AMD1: variants seen among roughly 807,000 people sequenced by gnomAD.
AMD1 encodes S-adenosylmethionine decarboxylase proenzyme.
In AMD1, 11 loss-of-function variants were observed where a neutral mutation model predicts 40.2. That is an observed-to-expected ratio of 0.27 (90% confidence interval 0.17 to 0.45). The LOEUF (loss-of-function observed/expected upper bound fraction) is 0.45. Among genes scored for constraint, AMD1 ranks in the 20% least tolerant of loss-of-function variants. The pLI, the probability that AMD1 is intolerant of heterozygous loss-of-function variation, is 1.00. For synonymous variants in AMD1, 121 were observed against 130.8 expected, an observed-to-expected ratio of 0.93 and a Z score of 0.51; for missense variants, 257 against 410.2, an observed-to-expected ratio of 0.63 and a Z score of 3.23.
the AMD1 span, among the ~76,000 whole-genome samples, chr6:110,832,961 C>G: frequency 6.6e-6 from 1 of 152,114 alleles, no homozygotes; most frequent in East Asian, 1.9e-4. Context: ...GCTGGGATTA[C>G]AGGCGCCCAC....
At chr6:110,840,763 A>G in the AMD1 span, among the ~76,000 whole-genome samples, 1 of 151,278 alleles carries the variant, frequency 6.6e-6, no homozygotes, top group African/African-American at 2.4e-5. Flanking sequence ...GGGGTGGGGG[A>G]AGATTAGAGT....
chr6:110,877,967 G>A (rs976747087), intron 1 of AMD1, among the ~76,000 whole-genome samples: 1 of 152,042 alleles, frequency 6.6e-6, no homozygotes, highest in Non-Finnish European at 1.5e-5. Flanking sequence ...CTAAAGACAA[G>A]GATAACAAGA....
the AMD1 span, among the ~76,000 whole-genome samples, chr6:110,840,256 A>G: frequency 6.6e-6 from 1 of 151,718 alleles, no homozygotes; most frequent in South Asian, 2.1e-4. Context: ...TATTTTATTA[A>G]CCAGTTGGGT....
intron 1 of AMD1, among the ~76,000 whole-genome samples, chr6:110,880,420 C>T (rs1003134240): frequency 6.6e-6 from 1 of 152,176 alleles, no homozygotes; most frequent in African/African-American, 2.4e-5. Flanking sequence ...TATGTCATAT[C>T]CAAGAAATCA....
chr6:110,837,353 A>G, the AMD1 span, among the ~76,000 whole-genome samples: 2 of 151,178 alleles, frequency 1.3e-5, no homozygotes, highest in African/African-American at 4.9e-5. Flanking sequence ...TCAGTTGTCT[A>G]CATGCTTTCT....
chr6:110,847,249 G>A, the AMD1 span, among the ~76,000 whole-genome samples: 1 of 151,982 alleles, frequency 6.6e-6, no homozygotes, highest in Non-Finnish European at 1.5e-5. Context: ...CTAAAGACCG[G>A]GCACAGTGGC....
chr6:110,892,723 T>TCC lies in AMD1; in HGVS notation c.616-12_616-11insCC, dbSNP rs768179600. 3,054 of 1,503,762 alleles carry TCC rather than the reference T, an allele frequency of 2.0e-3. 32 individuals are homozygous for TCC. In the African/African-American group the frequency reaches 0.054, roughly 27 times the overall value. The allele number at this position is 1,503,762 out of a possible 1,614,324, so 93.2% of individuals were successfully genotyped here. A position where few individuals can be genotyped will look rare whatever the true frequency, so the allele number is the denominator to read the frequency against. On this transcript the variant is annotated splice_polypyrimidine_tract_variant and intron_variant, in intron 6 of 8. Coordinates refer to ENST00000368885, the MANE Select transcript of AMD1 (RefSeq NM_001634.6). The stretch of plus-strand genomic sequence containing the variant: ...CAAACCCTTGTTAAACTCGGTCTTT[T>TCC]TCCCCCCCCAGGAGAGTGGAATTCG...
chr6:110,855,518 C>G, the AMD1 span, among the ~76,000 whole-genome samples: 1 of 152,110 alleles, frequency 6.6e-6, no homozygotes, highest in Admixed American at 6.6e-5. Context: ...GCTGCCAAAA[C>G]TGCTGCAAGC....
At chr6:110,818,724 G>C in the AMD1 span, among the ~76,000 whole-genome samples, 77 of 152,282 alleles carry the variant, frequency 5.1e-4, no homozygotes, top group African/African-American at 1.8e-3. Context: ...TTTTAGTAGA[G>C]ACAGGGTTTT....
In AMD1 at chr6:110,884,446, T is replaced by C. The variant is rs139638731; in HGVS notation, c.111-3059T>C. On this transcript the variant is annotated intron_variant, in intron 1 of 8. Transcript: ENST00000368885. ...CTACAAGTTGTAAGGGTGAATACTT[T>C]GTTTTAAGAGAGGGTCTTGCTCTGT... Among the ~76,000 whole-genome samples the C allele has an allele frequency of 2.4e-3, 372 of 152,332 alleles. 7 individuals carry two copies. Among genetic ancestry groups the C allele is most frequent in the South Asian group, 0.022 (107 of 4,824 alleles).
intron 1 of AMD1, among the ~76,000 whole-genome samples, chr6:110,876,339 G>T (rs918210425): frequency 1.3e-5 from 2 of 152,232 alleles, no homozygotes; most frequent in African/African-American, 4.8e-5. Context: ...GTGCAGCGGA[G>T]TAACTGGCGT....
chr6:110,878,996 T>C (rs1159445782), intron 1 of AMD1, among the ~76,000 whole-genome samples: 1 of 152,168 alleles, frequency 6.6e-6, no homozygotes, highest in Admixed American at 6.5e-5. Context: ...AACCTTTTAG[T>C]GTAATGTTTC....
the AMD1 span, among the ~76,000 whole-genome samples, chr6:110,832,986 A>C: frequency 8.5e-5 from 13 of 152,200 alleles, no homozygotes; most frequent in Admixed American, 7.9e-4. Flanking sequence ...ACGCCTGGCC[A>C]ATTTTTGTAT....
chr6:110,858,901 G>A, the AMD1 span: 1 of 856,544 alleles, frequency 1.2e-6, no homozygotes, highest in African/African-American at 1.6e-5. Flanking sequence ...AGGTGGGCAT[G>A]ACGGCTCCGG....
chr6:110,830,745 G>A, the AMD1 span, among the ~76,000 whole-genome samples: 2 of 152,034 alleles, frequency 1.3e-5, no homozygotes, highest in African/African-American at 4.8e-5. Flanking sequence ...TCTTTCCTGG[G>A]CAAAGACAAG....
At chr6:110,833,252 A>G in the AMD1 span, among the ~76,000 whole-genome samples, 1 of 152,240 alleles carries the variant, frequency 6.6e-6, no homozygotes, top group Admixed American at 6.5e-5. Context: ...TTGTGAAATA[A>G]AAGAATGCTT....
the AMD1 span, among the ~76,000 whole-genome samples, chr6:110,855,326 G>T: frequency 6.6e-6 from 1 of 152,030 alleles, no homozygotes; most frequent in Admixed American, 6.6e-5. Flanking sequence ...TTAGGAACCT[G>T]CAACCAGGAT....
chr6:110,875,009 A>T lies in AMD1; in HGVS notation c.-97A>T, dbSNP rs919727832. 1.1e-6 allele frequency: 1 copy of T among 919,632 alleles called. No individual in the cohort carries two copies. The highest frequency in any genetic ancestry group is 1.7e-6 in the Non-Finnish European group (1 of 581,920). 57.0% of individuals were successfully genotyped at this position (919,632 alleles called of 1,614,324 possible). A position where few individuals can be genotyped will look rare whatever the true frequency, so the allele number is the denominator to read the frequency against. On this transcript the variant is annotated 5_prime_UTR_variant, in exon 1 of 9. Coordinates refer to ENST00000368885, the MANE Select transcript of AMD1 (RefSeq NM_001634.6). Reference sequence around the variant, plus strand: ...AAAGGAACCTGAACTTTAGTAACACAGCTGGAACAATCCGCAGCGGCGGCG... The same window carrying T: ...AAAGGAACCTGAACTTTAGTAACACTGCTGGAACAATCCGCAGCGGCGGCG...
the AMD1 span, among the ~76,000 whole-genome samples, chr6:110,855,251 T>C: frequency 6.6e-6 from 1 of 151,884 alleles, no homozygotes; most frequent in Non-Finnish European, 1.5e-5. Flanking sequence ...TTTCTGAAAA[T>C]TTCCACATGT....
Sources: allele counts gnomAD v4.1 joint callset (sites outside exome capture counted in the v4.1 genomes callset), GRCh38; gene constraint gnomAD v4.1.1; transcripts MANE v1.5; gene names NCBI Gene and HGNC (gene_info 2026-07-23, HGNC 2026-07-21).